The following LRRC17 variants were observed in gnomAD, a reference collection of about 807,000 sequenced individuals.
The protein encoded by LRRC17 is leucine-rich repeat-containing protein 17.
LRRC17 carries 33 observed loss-of-function variants against 41.5 expected under a neutral mutation model. That is an observed-to-expected ratio of 0.80 (90% CI 0.60 to 1.06). LRRC17 has a LOEUF of 1.06. LRRC17 is among the 50% of genes least tolerant of loss of function. LRRC17 has a pLI of 0.00. For synonymous variants in LRRC17, 192 were observed against 197.0 expected, an observed-to-expected ratio of 0.97 and a Z score of 0.21; for missense variants, 491 against 519.3, an observed-to-expected ratio of 0.95 and a Z score of 0.53.
At chr7:102,920,733 G>A (rs544637446) in intron 1 of LRRC17, among the ~76,000 whole-genome samples, 11 of 152,118 alleles carry the variant, frequency 7.2e-5, no homozygotes, top group Non-Finnish European at 1.3e-4. Context: ...ATAGAAGTTA[G>A]CTACATGCTA....
Position 102,913,144 on chromosome 7 carries a change from A to G in LRRC17, c.-142A>G. The G allele has an allele frequency of 1.2e-6, 2 of 1,614,226 alleles. No homozygotes were observed. Among genetic ancestry groups the G allele is most frequent in the Non-Finnish European group, 1.7e-6 (2 of 1,180,036 alleles). On this transcript the variant is annotated splice_region_variant and 5_prime_UTR_variant, in exon 1 of 4. Coordinates refer to ENST00000339431, the MANE Select transcript of LRRC17 (RefSeq NM_001031692.3). The stretch of plus-strand genomic sequence containing the variant: ...CTTGTGGCATCCATTCCCCAAGTTC[A>G]GGTACTGTAAGCCTTTGTCTGTGAA...
In LRRC17 at chr7:102,934,150, G is replaced by A. The variant is rs1031464514; in HGVS notation, c.237G>A (p.Trp79Ter). 1.2e-6 allele frequency: 2 copies of A among 1,614,180 alleles called. No individual in the cohort carries two copies. The highest frequency in any genetic ancestry group is 1.7e-6 in the Non-Finnish European group (2 of 1,180,020). Residue 79 changes from tryptophan (W) to a stop codon, truncating the protein, a stop_gained, in exon 2 of 4, where the codon TGG becomes TGA. Coordinates refer to ENST00000339431, the MANE Select transcript of LRRC17 (RefSeq NM_001031692.3). LOFTEE classifies it high-confidence loss of function. ...AATTAGTTTATGTGCTGCCTGGTTGGCCTCAGGATTTGCTGCACATGCTGC... is the reference window on the plus strand; with the variant it reads ...AATTAGTTTATGTGCTGCCTGGTTGACCTCAGGATTTGCTGCACATGCTGC... ...ERKLVYVLPG[W>*]PQDLLHMLLA...
At position 102,935,226 on chromosome 7, in the gene LRRC17, C is replaced by CT. The variant is rs201080434; in HGVS notation, c.772+552dup. Among the ~76,000 whole-genome samples the CT allele has an allele frequency of 7.6e-3, 1,001 of 131,334 alleles. 7 individuals are homozygous for CT. The highest frequency in any genetic ancestry group is 0.056 in the East Asian group (232 of 4,138). 86.2% of individuals were successfully genotyped at this position (131,334 alleles called of 152,430 possible). On this transcript the variant is annotated intron_variant, in intron 2 of 3. Transcript: ENST00000339431. ...AATAAATGCTCCTATGCTCATGCTCCTTTTTTTTTTTCTTTCTTTTTTTTT... is the reference window on the plus strand; with the variant it reads ...AATAAATGCTCCTATGCTCATGCTCCTTTTTTTTTTTTCTTTCTTTTTTTTT...
chr7:102,937,506 CA>C (rs10642422), intron 2 of LRRC17, among the ~76,000 whole-genome samples: 4 of 113,482 alleles, frequency 3.5e-5, no homozygotes, highest in East Asian at 2.6e-4. Flanking sequence ...GACTCTGTCT[CA>C]AAAAAAAAAA....
At chr7:102,914,805 T>C (rs1254166666) in intron 1 of LRRC17, among the ~76,000 whole-genome samples, 3 of 152,190 alleles carry the variant, frequency 2.0e-5, no homozygotes, top group South Asian at 2.1e-4. Context: ...GCCCCCTCTC[T>C]TGGGGCTGTC....
At chr7:102,931,997 A>G (rs997226031) in intron 1 of LRRC17, 6 of 1,477,536 alleles carry the variant, frequency 4.1e-6, no homozygotes, top group Non-Finnish European at 5.6e-6. Context: ...AAGTTTTTCT[A>G]TCTTACATTG....
intron 1 of LRRC17, among the ~76,000 whole-genome samples, chr7:102,927,655 G>A (rs1818379963): frequency 6.6e-6 from 1 of 152,150 alleles, no homozygotes; most frequent in African/African-American, 2.4e-5. Context: ...CTGCTATAGG[G>A]AAGGTTCTAT....
chr7:102,925,158 C>T (rs898908025), intron 1 of LRRC17, among the ~76,000 whole-genome samples: 1 of 152,154 alleles, frequency 6.6e-6, no homozygotes, highest in Non-Finnish European at 1.5e-5. Context: ...CTTTGGGAGG[C>T]CCAAGTGGGC....
intron 1 of LRRC17, among the ~76,000 whole-genome samples, chr7:102,922,322 T>C (rs1271619991): frequency 6.6e-6 from 1 of 152,128 alleles, no homozygotes; most frequent in Non-Finnish European, 1.5e-5. Flanking sequence ...CAAATTCTTA[T>C]TTAGAAGTCA....
rs752169886 is a variant in LRRC17 at position 102,913,153 on chromosome 7, A to ACAAGTGC, written c.-141+8_-141+9insCAAGTGC. 5.0e-6 allele frequency: 8 copies of ACAAGTGC among 1,614,036 alleles called. No homozygotes were observed. ...TCCATTCCCCAAGTTCAGGTACTGT[A>ACAAGTGC]AGCCTTTGTCTGTGAACCGTCTGCA... is the stretch of plus-strand genomic sequence containing the variant. On this transcript the variant is annotated intron_variant, in intron 1 of 3. Coordinates refer to ENST00000339431, the MANE Select transcript of LRRC17 (RefSeq NM_001031692.3).
At position 102,944,446 on chromosome 7, in the gene LRRC17, G is replaced by A; in HGVS notation, c.1165G>A (p.Val389Met). The A allele has an allele frequency of 6.2e-7, 1 of 1,614,078 alleles. No homozygotes were observed. Among genetic ancestry groups the A allele is most frequent in the Non-Finnish European group, 8.5e-7 (1 of 1,179,986 alleles). Residue 389 changes from valine to methionine, a missense_variant, in exon 4 of 4, where the codon GTG (valine) becomes ATG (methionine). Transcript: ENST00000339431. ...GCCTGAAGAATACAAAGGATGGTCT[G>A]TGGGAAAATATATTAGAAGTTACTA... ...KTPEEYKGWS[V>M]GKYIRSYYEE...
At chr7:102,926,205 T>C in intron 1 of LRRC17, 1 of 1,356,444 alleles carries the variant, frequency 7.4e-7, no homozygotes. Context: ...CCTTGCAGAA[T>C]GCTAGAGCAA....
intron 1 of LRRC17, among the ~76,000 whole-genome samples, chr7:102,922,150 A>ATTCCAGC (rs1817169089): frequency 6.6e-6 from 1 of 151,866 alleles, no homozygotes; most frequent in African/African-American, 2.4e-5. Flanking sequence ...AGGTCGTGCC[A>ATTCCAGC]CTGCATTCCA....
chr7:102,915,779 C>T (rs985951925), intron 1 of LRRC17, among the ~76,000 whole-genome samples: 1 of 152,040 alleles, frequency 6.6e-6, no homozygotes, highest in African/African-American at 2.4e-5. Context: ...TCTTTATTAA[C>T]ATATTAAGTA....
intron 1 of LRRC17, among the ~76,000 whole-genome samples, chr7:102,919,732 G>A (rs959017588): frequency 6.6e-6 from 1 of 152,118 alleles, no homozygotes; most frequent in African/African-American, 2.4e-5. Context: ...TATACATGAA[G>A]AGAAGTTTCT....
At chr7:102,942,271 A>G in intron 3 of LRRC17, 1 of 1,578,550 alleles carries the variant, frequency 6.3e-7, no homozygotes, top group Non-Finnish European at 8.6e-7. Flanking sequence ...TTTAAAATGA[A>G]AGGTCTCCTA....
At chr7:102,918,890 A>G (rs1816436352) in intron 1 of LRRC17, among the ~76,000 whole-genome samples, 2 of 152,216 alleles carry the variant, frequency 1.3e-5, no homozygotes, top group Non-Finnish European at 2.9e-5. Flanking sequence ...ATGTACATAT[A>G]TTCATATATA....
chr7:102,935,242 C>CTTTTTTTTTTTTT (rs71106700), intron 2 of LRRC17, among the ~76,000 whole-genome samples: 1 of 76,402 alleles, frequency 1.3e-5, no homozygotes, highest in Non-Finnish European at 2.3e-5. Flanking sequence ...TTTTTTCTTT[C>CTTTTTTTTTTTTT]TTTTTTTTTT....
rs757930822 is a variant in LRRC17 at position 102,934,342 on chromosome 7, C to A, written c.429C>A (p.Val143=). 3.1e-6 allele frequency: 5 copies of A among 1,614,124 alleles called. No homozygotes were observed. Among genetic ancestry groups the A allele is most frequent in the Non-Finnish European group, 8.5e-7 (1 of 1,179,996 alleles). Residue 143 remains valine (V), a synonymous_variant, in exon 2 of 4, where the codon GTC becomes GTA. Coordinates refer to ENST00000339431, the MANE Select transcript of LRRC17 (RefSeq NM_001031692.3). ...TLLLQHNQIK[V]LTEEVFIYTP... is the part of the protein sequence containing the mutation. ...TACTGCAGCACAACCAGATCAAAGT[C>A]TTGACGGAGGAAGTGTTCATTTACA...
Sources: gnomAD v4.1 joint callset for allele counts (sites outside exome capture counted in the v4.1 genomes callset) on GRCh38, gnomAD v4.1.1 for gene constraint, MANE v1.5 for transcripts, NCBI Gene and HGNC (gene_info 2026-07-23, HGNC 2026-07-21) for gene names.